Variants in APAF1 observed in about 807,000 individuals in gnomAD.
APAF1 encodes apoptotic peptidase activating factor 1, also known as apoptotic protease-activating factor 1.
A neutral mutation model predicts 152.4 loss-of-function variants in APAF1; 91 were observed. That is an observed-to-expected ratio of 0.60 (90% CI 0.50 to 0.71). The LOEUF is 0.71. APAF1 is among the 30% of genes least tolerant of loss of function. APAF1 has a pLI of 0.00. For missense variants in APAF1, 1,283 were observed against 1,472.0 expected (o/e 0.87, Z 2.10); for synonymous variants, 484 against 494.1 (o/e 0.98, Z 0.27).
At chr12:98,667,892 C>G (rs1172651277) in intron 10 of APAF1, among the ~76,000 whole-genome samples, 1 of 151,382 alleles carries the variant, frequency 6.6e-6, no homozygotes, top group Non-Finnish European at 1.5e-5. Flanking sequence ...CACTTCAGCC[C>G]CCCATGTAGC....
At chr12:98,673,569 A>G (rs1426021968) in intron 12 of APAF1, among the ~76,000 whole-genome samples, 4 of 152,164 alleles carry the variant, frequency 2.6e-5, no homozygotes, top group Non-Finnish European at 4.4e-5. Flanking sequence ...TCATATGTAT[A>G]ATTTATATCT....
At chr12:98,655,498 G>A (rs1228235077) in intron 4 of APAF1, among the ~76,000 whole-genome samples, 7 of 152,126 alleles carry the variant, frequency 4.6e-5, no homozygotes, top group African/African-American at 1.7e-4. Flanking sequence ...GCGGCTGGCC[G>A]GGCAGAGGGG....
At chr12:98,701,563 C>T (rs1449036492) in intron 17 of APAF1, among the ~76,000 whole-genome samples, 1 of 152,118 alleles carries the variant, frequency 6.6e-6, no homozygotes, top group African/African-American at 2.4e-5. Flanking sequence ...AGTGGTTTCT[C>T]CTTGTGGTTT....
intron 12 of APAF1, among the ~76,000 whole-genome samples, chr12:98,676,141 G>A (rs185840462): frequency 3.2e-4 from 49 of 152,258 alleles, no homozygotes; most frequent in African/African-American, 8.7e-4. Context: ...GGGATGTAAC[G>A]TATATGAAAT....
Position 98,653,719 on chromosome 12 carries a change from T to TATATAG in APAF1, c.526+4036_526+4041dup, listed in dbSNP as rs1555213973. ...ATATATATATATATATATATATATA[T>TATATAG]ATATAGTTTTTAACTATTTATGTCT... On this transcript the variant is annotated intron_variant, in intron 4 of 26. Coordinates refer to ENST00000551964, the MANE Select transcript of APAF1 (RefSeq NM_181861.2). Among the ~76,000 whole-genome samples the TATATAG allele has an allele frequency of 2.5e-3, 269 of 108,134 alleles. 8 individuals are homozygous for TATATAG. The highest frequency in any genetic ancestry group is 0.016 in the Middle Eastern group (3 of 192). 70.9% of individuals were successfully genotyped at this position (108,134 alleles called of 152,430 possible).
intron 13 of APAF1, among the ~76,000 whole-genome samples, chr12:98,677,961 A>G (rs982018656): frequency 6.6e-5 from 10 of 152,232 alleles, no homozygotes; most frequent in African/African-American, 2.4e-4. Context: ...GGACTAGACT[A>G]TTTCCTAAGT....
chr12:98,654,541 G>A (rs2097653892), intron 4 of APAF1, among the ~76,000 whole-genome samples: 1 of 152,012 alleles, frequency 6.6e-6, no homozygotes, highest in Middle Eastern at 3.2e-3. Context: ...CCAAGTAGCT[G>A]GGACTACAGG....
Position 98,675,415 on chromosome 12 carries a change from C to T in APAF1, c.1794-2010C>T, listed in dbSNP as rs368267229. ...ACTTTGCTAGAACTTATCTGTTCTT[C>T]TAGTTGTCATCACTCTAGTTCTTAT... On this transcript the variant is annotated intron_variant, in intron 12 of 26. Coordinates refer to ENST00000551964, the MANE Select transcript of APAF1 (RefSeq NM_181861.2). 3.3e-3 allele frequency among the ~76,000 whole-genome samples: 498 copies of T among 152,258 alleles called. 3 individuals are homozygous for T. Among genetic ancestry groups the T allele is most frequent in the South Asian group, 0.021 (102 of 4,828 alleles).
At chr12:98,695,923 CTCCACTGCAGGCTCAGAATTTAATT>C (rs1029398322) in intron 16 of APAF1, among the ~76,000 whole-genome samples, 1 of 152,172 alleles carries the variant, frequency 6.6e-6, no homozygotes, top group African/African-American at 2.4e-5. Context: ...GCTTGGATTT[CTCCACTGCAGGCTCAGAATTTAATT>C]TCTAGGAGTC....
Position 98,732,399 on chromosome 12 carries a change from AT to A in APAF1, c.3601-17del. Reference sequence around the variant, plus strand: ...CAGTGTAATTACCAATCTAATGAGAATTTTATTTTTCTCTGAACAGTGGTGG... The same window carrying A: ...CAGTGTAATTACCAATCTAATGAGAATTTATTTTTCTCTGAACAGTGGTGG... On this transcript the variant is annotated intron_variant, in intron 26 of 26. Coordinates refer to ENST00000551964, the MANE Select transcript of APAF1 (RefSeq NM_181861.2). 1 of 1,610,346 alleles carries A rather than the reference AT, an allele frequency of 6.2e-7. No individual in the cohort carries two copies. The highest frequency in any genetic ancestry group is 8.5e-7 in the Non-Finnish European group (1 of 1,176,616).
At chr12:98,695,355 C>A (rs1305075659) in intron 16 of APAF1, among the ~76,000 whole-genome samples, 1 of 147,762 alleles carries the variant, frequency 6.8e-6, no homozygotes, top group Non-Finnish European at 1.5e-5. Flanking sequence ...CCAATGCCGC[C>A]CCCCCCCTTT....
chr12:98,735,224 G>A lies in APAF1; in HGVS notation c.*2658G>A, dbSNP rs1000823614. 2 of 398,958 alleles carry A rather than the reference G, an allele frequency of 5.0e-6. No individual in the cohort carries two copies. The highest frequency in any genetic ancestry group is 8.8e-6 in the Non-Finnish European group (2 of 226,414). 24.7% of individuals were successfully genotyped at this position (398,958 alleles called of 1,614,324 possible). ...TAGTTTGCAGATGAGCATTTCTAAA[G>A]CATTTTCCCTTGCTGTATTTTTTTG... On this transcript the variant is annotated 3_prime_UTR_variant, in exon 27 of 27. Transcript: ENST00000551964.
chr12:98,683,187 G>T lies in APAF1; in HGVS notation c.2091G>T (p.Glu697Asp), dbSNP rs1423899605. 6.2e-7 allele frequency: 1 copy of T among 1,613,426 alleles called. No individual in the cohort carries two copies. The highest frequency in any genetic ancestry group is 1.6e-4 in the Middle Eastern group (1 of 6,062). Reference sequence around the variant, plus strand: ...GGGAACTAGTACACACCTATGATGAGCACTCAGAGCAAGTCAATTGCTGCC... The same window carrying T: ...GGGAACTAGTACACACCTATGATGATCACTCAGAGCAAGTCAATTGCTGCC... ...MTGELVHTYD[E>D]HSEQVNCCHF... The change falls in exon 15 of 27, where the codon GAG becomes GAT. Residue 697 changes from glutamate to aspartate, a missense_variant. By Grantham distance (45) the Glu-to-Asp change is conservative (BLOSUM62 2). Coordinates refer to ENST00000551964, the MANE Select transcript of APAF1 (RefSeq NM_181861.2).
chr12:98,656,388 C>A lies in APAF1; in HGVS notation c.527-2772C>A, dbSNP rs947220765. ...AACTGCAAACTTACACTGAAGGAGG[C>A]CTGAGGGGACCTCAGGAAACTTTAG... On this transcript the variant is annotated intron_variant, in intron 4 of 26. Transcript: ENST00000551964. Among the ~76,000 whole-genome samples the A allele has an allele frequency of 3.3e-5, 5 of 152,170 alleles. No individual in the cohort carries two copies. The South Asian group carries it at 1.0e-3, about 32-fold the overall frequency.
At chr12:98,648,889 T>G in intron 3 of APAF1, 74 bp downstream of exon 3, 1 of 1,370,638 alleles carries the variant, frequency 7.3e-7, no homozygotes. Flanking sequence ...AGATGTAATC[T>G]TTTGAAGAGA....
intron 16 of APAF1, among the ~76,000 whole-genome samples, chr12:98,693,352 C>G (rs565352411): frequency 6.6e-4 from 100 of 152,132 alleles, no homozygotes; most frequent in African/African-American, 2.3e-3. Flanking sequence ...CCTCAGCCTC[C>G]CAAAGTGCTG....
chr12:98,675,570 A>C lies in APAF1; in HGVS notation c.1794-1855A>C, dbSNP rs567716317. Among the ~76,000 whole-genome samples, 3 of 152,308 alleles carry C rather than the reference A, an allele frequency of 2.0e-5. No homozygotes were observed. The South Asian group carries it at 6.2e-4, about 32-fold the overall frequency. On this transcript the variant is annotated intron_variant, in intron 12 of 26. Transcript: ENST00000551964. ...ATGTACAGACTCTTTTCTTGTTATT[A>C]TTTCCTAAACACGATGGTATTACAA...
chr12:98,715,209 G>C (rs1395355461), intron 21 of APAF1, among the ~76,000 whole-genome samples: 2 of 115,304 alleles, frequency 1.7e-5, no homozygotes, highest in Non-Finnish European at 3.5e-5. Flanking sequence ...GGTCCAATAT[G>C]TTTGCATGTA....
chr12:98,649,401 A>C lies in APAF1; in HGVS notation c.329-86A>C. On this transcript the variant is annotated intron_variant, in intron 3 of 26. Coordinates refer to ENST00000551964, the MANE Select transcript of APAF1 (RefSeq NM_181861.2). ...CTTGGAAATTTTCAGGCTAAGCCTC[A>C]GCTTTGCTCTTTGTTTTTTATGGTA... 7 of 1,488,550 alleles carry C rather than the reference A, an allele frequency of 4.7e-6. 1 individual carries two copies. The South Asian group carries it at 8.3e-5, about 18-fold the overall frequency. 92.2% of individuals were successfully genotyped at this position (1,488,550 alleles called of 1,614,324 possible).
Sources: allele counts gnomAD v4.1 joint callset (sites outside exome capture counted in the v4.1 genomes callset), GRCh38; gene constraint gnomAD v4.1.1; transcripts MANE v1.5; gene names NCBI Gene and HGNC (gene_info 2026-07-23, HGNC 2026-07-21).